Variants in RANBP2 observed in about 807,000 individuals in gnomAD.
RANBP2 encodes the protein RAN binding protein 2.
RANBP2 carries 57 observed loss-of-function variants against 303.6 expected under a neutral mutation model. That is an observed-to-expected ratio of 0.19 (90% CI 0.15 to 0.23). RANBP2 has a LOEUF of 0.23. Among genes scored for constraint, RANBP2 ranks in the 10% least tolerant of loss-of-function variants. RANBP2 has a pLI of 1.00. For synonymous variants in RANBP2, 1,167 were observed against 1,301.5 expected, an observed-to-expected ratio of 0.90 and a Z score of 2.23; for missense variants, 3,138 against 3,780.8, an observed-to-expected ratio of 0.83 and a Z score of 4.46.
chr2:108,879,734 C>CT, the RANBP2 span, among the ~76,000 whole-genome samples: 2 of 152,056 alleles, frequency 1.3e-5, no homozygotes, highest in Non-Finnish European at 2.9e-5. Context: ...ATCTGAGTGA[C>CT]TAAGCCGCTA....
the RANBP2 span, among the ~76,000 whole-genome samples, chr2:109,480,043 G>A: frequency 6.6e-6 from 1 of 152,210 alleles, no homozygotes; most frequent in Non-Finnish European, 1.5e-5. Context: ...GCTGTGGGTT[G>A]AGGACAATTG....
chr2:108,727,593 T>C (rs2149090809), intron 1 of RANBP2, among the ~76,000 whole-genome samples: 1 of 149,726 alleles, frequency 6.7e-6, no homozygotes, highest in African/African-American at 2.5e-5. Context: ...CATACTCTGG[T>C]TGTATCAGCA....
the RANBP2 span, among the ~76,000 whole-genome samples, chr2:109,070,858 TAA>T: frequency 0.28 from 38,030 of 137,140 alleles, 5,343 homozygotes; most frequent in Middle Eastern, 0.35. Flanking sequence ...AGACCCTATC[TAA>T]AAAAAAAAAA....
chr2:109,701,246 T>C, the RANBP2 span, among the ~76,000 whole-genome samples: 1 of 152,330 alleles, frequency 6.6e-6, no homozygotes, highest in South Asian at 2.1e-4. Flanking sequence ...TTTTCTCTCA[T>C]AGGGATTTTC....
the RANBP2 span, among the ~76,000 whole-genome samples, chr2:109,604,404 A>AGGGGAGGGGAGGGGCGGGGCGGGAG: frequency 9.4e-6 from 1 of 106,310 alleles, no homozygotes; most frequent in Non-Finnish European, 2.1e-5. Context: ...CGGGGCGGGG[A>AGGGGAGGGGAGGGGCGGGGCGGGAG]GAAAAGAAAG....
At chr2:108,743,107 T>A (rs1283169974) in intron 7 of RANBP2, among the ~76,000 whole-genome samples, 2 of 152,130 alleles carry the variant, frequency 1.3e-5, no homozygotes, top group Non-Finnish European at 2.9e-5. Flanking sequence ...TTATTTTTAA[T>A]GGAAACTTTA....
chr2:109,398,547 AC>A, the RANBP2 span: 1 of 1,488,924 alleles, frequency 6.7e-7, no homozygotes, highest in Non-Finnish European at 9.0e-7. Context: ...GTGGCATGTG[AC>A]CATGATTTAA....
the RANBP2 span, chr2:109,432,444 C>T: frequency 5.0e-5 from 80 of 1,596,318 alleles, no homozygotes; most frequent in African/African-American, 7.9e-4. Flanking sequence ...GAATGCCGGC[C>T]GGTCCCCTAT....
At chr2:109,728,051 G>A in the RANBP2 span, among the ~76,000 whole-genome samples, 7 of 152,148 alleles carry the variant, frequency 4.6e-5, no homozygotes, top group African/African-American at 1.7e-4. Context: ...CCTACCATGC[G>A]AGTATGTCTT....
chr2:109,133,399 T>A, the RANBP2 span, among the ~76,000 whole-genome samples: 1 of 152,264 alleles, frequency 6.6e-6, no homozygotes, highest in Non-Finnish European at 1.5e-5. Flanking sequence ...TGGAGAATCA[T>A]AAAATTATAT....
At chr2:108,872,846 A>G in the RANBP2 span, among the ~76,000 whole-genome samples, 7 of 152,232 alleles carry the variant, frequency 4.6e-5, no homozygotes, top group Non-Finnish European at 7.3e-5. Context: ...TCATGTCCTC[A>G]TAAACAAAAT....
the RANBP2 span, among the ~76,000 whole-genome samples, chr2:109,074,439 C>G: frequency 6.3e-3 from 954 of 150,864 alleles, 28 homozygotes; most frequent in African/African-American, 0.022. Context: ...GCGGCTTATG[C>G]CTGTAATCCC....
chr2:109,637,555 C>G, the RANBP2 span, among the ~76,000 whole-genome samples: 1 of 152,016 alleles, frequency 6.6e-6, no homozygotes, highest in African/African-American at 2.4e-5. Flanking sequence ...TGCATTGCGC[C>G]CCTGGTTTAT....
the RANBP2 span, among the ~76,000 whole-genome samples, chr2:108,793,332 CA>C: frequency 2.2e-4 from 33 of 151,698 alleles, no homozygotes; most frequent in Non-Finnish European, 4.4e-5. Context: ...GACTCCGTCT[CA>C]AAAAACAAAA....
At chr2:108,867,672 T>C in the RANBP2 span, among the ~76,000 whole-genome samples, 1 of 152,358 alleles carries the variant, frequency 6.6e-6, no homozygotes, top group Non-Finnish European at 1.5e-5. Flanking sequence ...ATTTGGGTGT[T>C]TTTCAAAGAC....
At chr2:109,098,379 A>G in the RANBP2 span, among the ~76,000 whole-genome samples, 1 of 152,244 alleles carries the variant, frequency 6.6e-6, no homozygotes, top group Non-Finnish European at 1.5e-5. Context: ...GAGAGATAAC[A>G]GCCAGTTTTC....
At chr2:109,182,720 G>A in the RANBP2 span, among the ~76,000 whole-genome samples, 1 of 152,116 alleles carries the variant, frequency 6.6e-6, no homozygotes, top group Admixed American at 6.5e-5. Context: ...TACTGCAGTG[G>A]TCTACATATA....
At chr2:108,994,814 A>G in the RANBP2 span, among the ~76,000 whole-genome samples, 1 of 101,850 alleles carries the variant, frequency 9.8e-6, no homozygotes, top group African/African-American at 3.9e-5. Context: ...ATATATATAT[A>G]TATATATATA....
chr2:109,552,043 C>T, the RANBP2 span, among the ~76,000 whole-genome samples: 1 of 152,190 alleles, frequency 6.6e-6, no homozygotes. Flanking sequence ...TGCCTGAGCT[C>T]CGCCTACTGT....
Sources: allele counts gnomAD v4.1 joint callset (sites outside exome capture counted in the v4.1 genomes callset), GRCh38; gene constraint gnomAD v4.1.1; transcripts MANE v1.5; gene names NCBI Gene and HGNC (gene_info 2026-07-23, HGNC 2026-07-21).